Variants in BICD1 observed in about 807,000 individuals in gnomAD.
BICD1 encodes BICD cargo adaptor 1, also known as protein bicaudal D homolog 1.
Under a neutral mutation model 92.5 loss-of-function variants are expected in BICD1, and 35 were observed. The observed-to-expected ratio is 0.38, with a 90% CI of 0.29 to 0.50. The LOEUF is 0.50. Among genes scored for constraint, BICD1 ranks in the 20% least tolerant of loss-of-function variants. BICD1 has a pLI of 0.93. For synonymous variants in BICD1, 429 were observed against 465.1 expected (o/e 0.92, Z 1.00); for missense variants, 950 against 1,189.8 (o/e 0.80, Z 2.97).
At chr12:32,354,268 G>A (rs747451152) in intron 8 of BICD1, 2 of 152,284 alleles carry the variant, frequency 1.3e-5, no homozygotes, top group South Asian at 4.1e-4. Flanking sequence ...TCTCTACTTA[G>A]CAAGGCATGC....
Position 32,209,973 on chromosome 12 carries a change from G to A in BICD1, c.214-6274G>A, listed in dbSNP as rs544426380. 1.6e-3 allele frequency among the ~76,000 whole-genome samples: 240 copies of A among 152,316 alleles called. 4 individuals are homozygous for A. In the Middle Eastern group the frequency reaches 0.031, roughly 19 times the overall value. ...CTCAGTAGCCATGTGTGGCAACTGG[G>A]CATATTGGCAACACAGATACGTCAT... On this transcript the variant is annotated intron_variant, in intron 1 of 9. Coordinates refer to ENST00000652176, the MANE Select transcript of BICD1 (RefSeq NM_001714.4).
At chr12:32,147,228 G>A (rs950324708) in intron 1 of BICD1, among the ~76,000 whole-genome samples, 4 of 152,032 alleles carry the variant, frequency 2.6e-5, no homozygotes, top group African/African-American at 7.2e-5. Context: ...CACTGTGCCC[G>A]GCTGTGGGAA....
chr12:32,152,019 C>T (rs529921738), intron 1 of BICD1, among the ~76,000 whole-genome samples: 26 of 151,988 alleles, frequency 1.7e-4, no homozygotes, highest in East Asian at 3.9e-4. Flanking sequence ...TGTAGTGGCG[C>T]GTTCTCAGCT....
intron 1 of BICD1, among the ~76,000 whole-genome samples, chr12:32,123,302 A>G (rs1942220385): frequency 6.6e-6 from 1 of 152,188 alleles, no homozygotes; most frequent in Non-Finnish European, 1.5e-5. Flanking sequence ...CAGCTTCTAG[A>G]TTATCAGGAC....
intron 8 of BICD1, among the ~76,000 whole-genome samples, chr12:32,363,950 C>T (rs1033834951): frequency 1.3e-5 from 2 of 152,174 alleles, no homozygotes; most frequent in Non-Finnish European, 2.9e-5. Context: ...AGTGCCTATA[C>T]AGTGCCTGAG....
chr12:32,242,013 G>C (rs1166503036), intron 2 of BICD1, among the ~76,000 whole-genome samples: 1 of 148,058 alleles, frequency 6.8e-6, no homozygotes, highest in East Asian at 2.0e-4. Flanking sequence ...TGGGCAACAT[G>C]GTAAGACCCT....
chr12:32,175,500 A>G (rs1944064867), intron 1 of BICD1, among the ~76,000 whole-genome samples: 1 of 152,078 alleles, frequency 6.6e-6, no homozygotes, highest in Admixed American at 6.5e-5. Flanking sequence ...TATTTTTAGT[A>G]GAGACGGGAT....
intron 1 of BICD1, among the ~76,000 whole-genome samples, chr12:32,144,144 C>A: frequency 6.6e-6 from 1 of 151,950 alleles, no homozygotes; most frequent in Admixed American, 6.6e-5. Context: ...ATTAATTTTT[C>A]TCTTTGTTAT....
chr12:32,282,214 T>C (rs1043468714), intron 2 of BICD1, among the ~76,000 whole-genome samples: 2 of 18,592 alleles, frequency 1.1e-4, no homozygotes, highest in Admixed American at 4.8e-4. Flanking sequence ...TTTTTTTTTT[T>C]TTTTTTTTTT....
chr12:32,364,530 C>T (rs895414196), intron 8 of BICD1, among the ~76,000 whole-genome samples: 6 of 152,314 alleles, frequency 3.9e-5, no homozygotes, highest in Non-Finnish European at 7.3e-5. Context: ...ACAACTGAGT[C>T]AGAGCAATGT....
At chr12:32,303,766 A>C (rs1436409622) in intron 3 of BICD1, among the ~76,000 whole-genome samples, 1 of 152,146 alleles carries the variant, frequency 6.6e-6, no homozygotes, top group Non-Finnish European at 1.5e-5. Context: ...GTCTACCTCC[A>C]TACTGTTACA....
intron 8 of BICD1, chr12:32,340,369 C>G (rs1302569673): frequency 2.0e-6 from 2 of 985,194 alleles, no homozygotes; most frequent in Admixed American, 1.2e-4. Context: ...TGTTTTAGAC[C>G]TCCTTGGAAG....
chr12:32,340,184 T>C, intron 8 of BICD1: 1 of 985,410 alleles, frequency 1.0e-6, no homozygotes. Context: ...GTCAGCCTAC[T>C]GATTGGGATT....
intron 2 of BICD1, among the ~76,000 whole-genome samples, chr12:32,241,025 C>T (rs1441646285): frequency 6.6e-6 from 1 of 152,116 alleles, no homozygotes; most frequent in Non-Finnish European, 1.5e-5. Flanking sequence ...GTGAGTCACT[C>T]CAAGGTCAGA....
intron 4 of BICD1, among the ~76,000 whole-genome samples, chr12:32,322,245 A>T (rs1485500244): frequency 1.3e-5 from 2 of 152,092 alleles, no homozygotes; most frequent in East Asian, 3.8e-4. Flanking sequence ...ATATGTGTGT[A>T]ATATATATGT....
intron 2 of BICD1, among the ~76,000 whole-genome samples, chr12:32,291,544 A>T (rs890089788): frequency 6.6e-6 from 1 of 151,304 alleles, no homozygotes; most frequent in Non-Finnish European, 1.5e-5. Context: ...AAAAAAATAT[A>T]TATTAAATTT....
intron 9 of BICD1, among the ~76,000 whole-genome samples, chr12:32,375,550 A>C (rs974918034): frequency 3.3e-5 from 5 of 152,058 alleles, no homozygotes; most frequent in African/African-American, 1.2e-4. Context: ...AAATGAAACT[A>C]TGCGCTATTT....
At chr12:32,282,527 A>T (rs1362246485) in intron 2 of BICD1, among the ~76,000 whole-genome samples, 2 of 152,098 alleles carry the variant, frequency 1.3e-5, no homozygotes, top group Non-Finnish European at 2.9e-5. Context: ...TCTTTCAAGG[A>T]GGTCAGGGCA....
intron 2 of BICD1, among the ~76,000 whole-genome samples, chr12:32,269,681 AC>A (rs1947086327): frequency 6.6e-6 from 1 of 152,188 alleles, no homozygotes; most frequent in East Asian, 1.9e-4. Context: ...GCCATTATAA[AC>A]CTGATGGCTG....
Sources: gnomAD v4.1 joint callset for allele counts (sites outside exome capture counted in the v4.1 genomes callset) on GRCh38, gnomAD v4.1.1 for gene constraint, MANE v1.5 for transcripts, NCBI Gene and HGNC (gene_info 2026-07-23, HGNC 2026-07-21) for gene names.